Variants in PDE8B observed in about 807,000 individuals in gnomAD.
PDE8B encodes phosphodiesterase 8B, also known as high affinity cAMP-specific and IBMX-insensitive 3',5'-cyclic phosphodiesterase 8B.
In PDE8B, 26 loss-of-function variants were observed where a neutral mutation model predicts 101.3. The ratio of observed to expected loss-of-function variants is 0.26; its 90% confidence interval spans 0.19 to 0.36. The LOEUF is 0.36. Among genes scored for constraint, PDE8B ranks in the 10% least tolerant of loss-of-function variants. PDE8B has a pLI of 1.00. For missense variants in PDE8B, 810 were observed against 1,163.1 expected, an observed-to-expected ratio of 0.70 and a Z score of 4.42; for synonymous variants, 424 against 429.3, an observed-to-expected ratio of 0.99 and a Z score of 0.15.
At chr5:77,363,445 G>A (rs374620430) in intron 10 of PDE8B, among the ~76,000 whole-genome samples, 21 of 152,268 alleles carry the variant, frequency 1.4e-4, no homozygotes, top group African/African-American at 5.1e-4. Flanking sequence ...CTGGTGCGGT[G>A]GCTTATGTCT....
intron 1 of PDE8B, among the ~76,000 whole-genome samples, chr5:77,267,932 C>T (rs1332278309): frequency 1.3e-5 from 2 of 152,076 alleles, no homozygotes; most frequent in Non-Finnish European, 2.9e-5. Flanking sequence ...AAGATGTTTT[C>T]TGAAGCACAT....
At chr5:77,412,973 A>T in intron 16 of PDE8B, 138 bp from the exon 17 acceptor site, 1 of 757,116 alleles carries the variant, frequency 1.3e-6, no homozygotes, top group Non-Finnish European at 2.4e-6. Flanking sequence ...CCTAATTTTT[A>T]GAGGAGATGC....
intron 10 of PDE8B, among the ~76,000 whole-genome samples, chr5:77,369,343 G>C (rs898912759): frequency 6.6e-6 from 1 of 152,020 alleles, no homozygotes; most frequent in African/African-American, 2.4e-5. Context: ...GAGTAGCAGG[G>C]CATTGACTGT....
chr5:77,123,491 C>G, the PDE8B span, among the ~76,000 whole-genome samples: 2 of 152,086 alleles, frequency 1.3e-5, no homozygotes, highest in Admixed American at 6.5e-5. Context: ...GGTGCAGTGG[C>G]TCACACCTGT....
intron 12 of PDE8B, among the ~76,000 whole-genome samples, chr5:77,405,966 T>A (rs992857389): frequency 5.9e-5 from 9 of 152,142 alleles, no homozygotes; most frequent in African/African-American, 1.9e-4. Context: ...AGTCCTTCTG[T>A]ACACAGTAGG....
the PDE8B span, among the ~76,000 whole-genome samples, chr5:77,149,664 A>C: frequency 6.6e-6 from 1 of 152,164 alleles, no homozygotes. Context: ...GACATTGCTG[A>C]TATATACAAA....
chr5:77,393,306 A>G (rs757886375), intron 10 of PDE8B, among the ~76,000 whole-genome samples: 2 of 152,046 alleles, frequency 1.3e-5, no homozygotes, highest in Admixed American at 6.5e-5. Context: ...AGGCCTGAGA[A>G]TAGTTTGGAC....
Position 77,427,705 on chromosome 5 carries a change from T to C in PDE8B, c.*1151T>C, listed in dbSNP as rs1160980627. ...TAAAAGCTTCTAAAGCACAAGTGCA[T>C]ATTTTTATACTGCTCTTTTCACAAC... On this transcript the variant is annotated 3_prime_UTR_variant, in exon 22 of 22. Transcript: ENST00000264917. 6.6e-6 allele frequency: 1 copy of C among 152,226 alleles called. No homozygotes were observed. Among genetic ancestry groups the C allele is most frequent in the Admixed American group, 6.5e-5 (1 of 15,272 alleles). The allele number at this position is 152,226 out of a possible 1,614,324, so 9.4% of individuals were successfully genotyped here.
At chr5:77,110,948 T>G in the PDE8B span, among the ~76,000 whole-genome samples, 1 of 152,186 alleles carries the variant, frequency 6.6e-6, no homozygotes. Context: ...TTGGCAAAAT[T>G]CAACACCCCT....
At chr5:77,421,552 G>A (rs1409877903) in intron 19 of PDE8B, among the ~76,000 whole-genome samples, 1 of 152,048 alleles carries the variant, frequency 6.6e-6, no homozygotes, top group African/African-American at 2.4e-5. Flanking sequence ...TGGATGTGAG[G>A]GGTAGACAGG....
the PDE8B span, among the ~76,000 whole-genome samples, chr5:77,174,090 T>C: frequency 6.6e-6 from 1 of 152,194 alleles, no homozygotes; most frequent in East Asian, 1.9e-4. Flanking sequence ...TGAAGCTTGG[T>C]CTGCAGGTCT....
the PDE8B span, among the ~76,000 whole-genome samples, chr5:77,173,627 C>CT: frequency 5.3e-5 from 8 of 151,848 alleles, no homozygotes; most frequent in African/African-American, 1.5e-4. Context: ...ATATTGCCCT[C>CT]TTTTTTTAAT....
the PDE8B span, among the ~76,000 whole-genome samples, chr5:77,099,068 A>G: frequency 6.6e-6 from 1 of 152,366 alleles, no homozygotes; most frequent in Non-Finnish European, 1.5e-5. Context: ...TTAGAAAAAC[A>G]TTAATGTATA....
intron 10 of PDE8B, among the ~76,000 whole-genome samples, chr5:77,395,362 G>A (rs368777187): frequency 5.3e-5 from 8 of 151,702 alleles, no homozygotes; most frequent in African/African-American, 7.3e-5. Flanking sequence ...TGATCCGCCC[G>A]CCTCAGCCTC....
the PDE8B span, among the ~76,000 whole-genome samples, chr5:77,163,640 G>A: frequency 6.6e-6 from 1 of 152,090 alleles, no homozygotes; most frequent in Non-Finnish European, 1.5e-5. Flanking sequence ...CAGTTCTTTG[G>A]GTCTGGCCCA....
intron 1 of PDE8B, among the ~76,000 whole-genome samples, chr5:77,301,710 TCCCAGTCA>T (rs1478454932): frequency 6.6e-6 from 1 of 152,246 alleles, no homozygotes; most frequent in Non-Finnish European, 1.5e-5. Flanking sequence ...TCCTGTGTTC[TCCCAGTCA>T]GACCCTGCAT....
intron 1 of PDE8B, among the ~76,000 whole-genome samples, chr5:77,251,088 C>T (rs369048185): frequency 1.3e-5 from 2 of 152,178 alleles, no homozygotes; most frequent in African/African-American, 4.8e-5. Context: ...GGCTTTGTAT[C>T]TCAACCCTAC....
the PDE8B span, among the ~76,000 whole-genome samples, chr5:77,204,796 T>C: frequency 6.6e-6 from 1 of 152,150 alleles, no homozygotes; most frequent in South Asian, 2.1e-4. Flanking sequence ...ATAAAAGAAT[T>C]GACAATACCA....
chr5:77,282,639 CG>C (rs1026944255), intron 1 of PDE8B, among the ~76,000 whole-genome samples: 11 of 152,024 alleles, frequency 7.2e-5, no homozygotes, highest in African/African-American at 2.4e-4. Flanking sequence ...GTGCCTGCAG[CG>C]GCTGGACTCC....
Sources: gnomAD v4.1 joint callset for allele counts (sites outside exome capture counted in the v4.1 genomes callset) on GRCh38, gnomAD v4.1.1 for gene constraint, MANE v1.5 for transcripts, NCBI Gene and HGNC (gene_info 2026-07-23, HGNC 2026-07-21) for gene names.